The following DIS3L2 variants were observed in gnomAD, a reference collection of about 807,000 sequenced individuals.
DIS3L2 encodes DIS3-like exonuclease 2.
DIS3L2 carries 34 observed loss-of-function variants against 97.5 expected under a neutral mutation model. The observed-to-expected ratio is 0.35, with a 90% CI of 0.27 to 0.46. DIS3L2 has a LOEUF of 0.46. DIS3L2 is among the 20% of genes least tolerant of loss of function. DIS3L2 has a pLI of 1.00. For missense variants in DIS3L2, 1,038 were observed against 1,146.0 expected, an observed-to-expected ratio of 0.91 and a Z score of 1.36; for synonymous variants, 435 against 445.2, an observed-to-expected ratio of 0.98 and a Z score of 0.29.
At chr2:232,179,983 T>G (rs1691219052) in intron 9 of DIS3L2, among the ~76,000 whole-genome samples, 1 of 126,132 alleles carries the variant, frequency 7.9e-6, no homozygotes, top group South Asian at 2.6e-4. Flanking sequence ...CTGCTTTGAA[T>G]GCGTCCCAGA....
chr2:232,091,107 T>C (rs1278610865), intron 6 of DIS3L2, among the ~76,000 whole-genome samples: 1 of 152,204 alleles, frequency 6.6e-6, no homozygotes, highest in Non-Finnish European at 1.5e-5. Flanking sequence ...TTTACCACTT[T>C]ACAAGCAGTA....
chr2:232,294,435 A>G (rs116597803), intron 13 of DIS3L2, among the ~76,000 whole-genome samples: 1,716 of 152,328 alleles, frequency 0.011, 29 homozygotes, highest in African/African-American at 0.038. Flanking sequence ...AACCTTGTAC[A>G]TGGTAAGCAC....
chr2:232,336,900 T>G lies in DIS3L2; in HGVS notation c.*270T>G. 9 of 1,273,402 alleles carry G rather than the reference T, an allele frequency of 7.1e-6. No individual in the cohort carries two copies. Among genetic ancestry groups the G allele is most frequent in the East Asian group, 4.1e-5 (1 of 24,264 alleles). 78.9% of individuals were successfully genotyped at this position (1,273,402 alleles called of 1,614,324 possible). On this transcript the variant is annotated 3_prime_UTR_variant, in exon 21 of 21. Transcript: ENST00000325385. Reference sequence around the variant, plus strand: ...GCTGGCCCCCCTTTTTTCTGGGCCCTACTGCCCTCCTCTGCCCAGGAAATG... The same window carrying G: ...GCTGGCCCCCCTTTTTTCTGGGCCCGACTGCCCTCCTCTGCCCAGGAAATG...
intron 10 of DIS3L2, among the ~76,000 whole-genome samples, chr2:232,235,741 A>G (rs575144792): frequency 1.2e-3 from 183 of 152,372 alleles, no homozygotes; most frequent in African/African-American, 4.4e-3. Flanking sequence ...GCTGACTTCA[A>G]AAGAAGACAC....
At chr2:231,970,898 G>A (rs1188434900) in intron 1 of DIS3L2, among the ~76,000 whole-genome samples, 1 of 151,976 alleles carries the variant, frequency 6.6e-6, no homozygotes, top group African/African-American at 2.4e-5. Flanking sequence ...AATACTCTAT[G>A]TCCTTATTCT....
intron 9 of DIS3L2, among the ~76,000 whole-genome samples, chr2:232,200,906 C>T (rs1175765186): frequency 6.6e-6 from 1 of 151,054 alleles, no homozygotes; most frequent in Non-Finnish European, 1.5e-5. Context: ...GGCTCAGCTT[C>T]CCGAGTAGCT....
At chr2:232,298,685 A>T (rs925373656) in intron 13 of DIS3L2, among the ~76,000 whole-genome samples, 1 of 150,588 alleles carries the variant, frequency 6.6e-6, no homozygotes, top group East Asian at 1.9e-4. Flanking sequence ...CCTTGTAGTT[A>T]AAAAAAAAAT....
At chr2:232,147,032 T>C (rs1690235540) in intron 8 of DIS3L2, among the ~76,000 whole-genome samples, 1 of 152,198 alleles carries the variant, frequency 6.6e-6, no homozygotes, top group Admixed American at 6.5e-5. Flanking sequence ...CATAAAAAAT[T>C]GAAAAATATG....
intron 1 of DIS3L2, among the ~76,000 whole-genome samples, chr2:232,007,423 C>T (rs1184064810): frequency 1.3e-5 from 2 of 152,188 alleles, no homozygotes; most frequent in African/African-American, 2.4e-5. Context: ...GCAGCCTCCA[C>T]CTCTCAGGCT....
chr2:232,248,828 C>T (rs952060550), intron 11 of DIS3L2, among the ~76,000 whole-genome samples: 3 of 152,174 alleles, frequency 2.0e-5, no homozygotes, highest in Non-Finnish European at 4.4e-5. Flanking sequence ...ATAACAATAG[C>T]TTATTTTACT....
chr2:231,975,940 C>T (rs1354110586), intron 1 of DIS3L2, among the ~76,000 whole-genome samples: 1 of 152,010 alleles, frequency 6.6e-6, no homozygotes, highest in Non-Finnish European at 1.5e-5. Flanking sequence ...TTCTTCTTCT[C>T]TCTCTCTCTT....
chr2:232,234,026 G>A (rs973084733), intron 10 of DIS3L2, among the ~76,000 whole-genome samples: 3 of 152,160 alleles, frequency 2.0e-5, no homozygotes, highest in Non-Finnish European at 1.5e-5. Flanking sequence ...TTGGAGTTAT[G>A]AGAGATAGGG....
intron 5 of DIS3L2, among the ~76,000 whole-genome samples, chr2:232,065,564 A>T (rs1167365694): frequency 6.6e-6 from 1 of 151,884 alleles, no homozygotes; most frequent in Non-Finnish European, 1.5e-5. Context: ...TGTTCCATTA[A>T]TCTATTTATC....
At chr2:232,328,722 G>GC (rs1290801380) in intron 14 of DIS3L2, 1 of 152,332 alleles carries the variant, frequency 6.6e-6, no homozygotes, top group Non-Finnish European at 1.5e-5. Flanking sequence ...GCTGGTCAAG[G>GC]CCCCGATAGC....
chr2:232,226,455 T>C (rs1431086507), intron 10 of DIS3L2, among the ~76,000 whole-genome samples: 4 of 152,230 alleles, frequency 2.6e-5, no homozygotes, highest in African/African-American at 9.6e-5. Context: ...ACCTACCTCA[T>C]AGAACTTTTG....
chr2:232,069,897 C>A (rs1310918464), intron 5 of DIS3L2, among the ~76,000 whole-genome samples: 1 of 152,156 alleles, frequency 6.6e-6, no homozygotes, highest in African/African-American at 2.4e-5. Context: ...TCAATTTGAT[C>A]AGTTTGTCTC....
intron 12 of DIS3L2, among the ~76,000 whole-genome samples, chr2:232,262,194 C>T (rs1055669663): frequency 1.3e-5 from 2 of 152,146 alleles, no homozygotes; most frequent in African/African-American, 2.4e-5. Flanking sequence ...CCCACCTCCC[C>T]CAACCGCCCT....
intron 13 of DIS3L2, among the ~76,000 whole-genome samples, chr2:232,285,506 G>A (rs1694402553): frequency 1.3e-5 from 2 of 152,262 alleles, no homozygotes; most frequent in African/African-American, 4.8e-5. Context: ...GCCATTTGCA[G>A]TTCTCTGTTA....
At chr2:232,259,787 TTTTG>T (rs1375079644) in intron 12 of DIS3L2, 2 of 151,966 alleles carry the variant, frequency 1.3e-5, no homozygotes, top group Admixed American at 6.6e-5. Context: ...CCCGGCTAAT[TTTTG>T]TTTTTGTTTT....
Sources: gnomAD v4.1 joint callset for allele counts (sites outside exome capture counted in the v4.1 genomes callset) on GRCh38, gnomAD v4.1.1 for gene constraint, MANE v1.5 for transcripts, NCBI Gene and HGNC (gene_info 2026-07-23, HGNC 2026-07-21) for gene names.